The following LRRIQ3 variants were observed in gnomAD, a reference collection of about 807,000 sequenced individuals.
The protein encoded by LRRIQ3 is leucine-rich repeat and IQ domain-containing protein 3.
Under a neutral mutation model 59.3 loss-of-function variants are expected in LRRIQ3, and 75 were observed. The observed-to-expected ratio is 1.26, with a 90% CI of 1.05 to 1.53. LRRIQ3 has a LOEUF of 1.53. LRRIQ3 is among the 40% of genes most tolerant of loss of function. The pLI is 0.00. For synonymous variants in LRRIQ3, 250 were observed against 231.3 expected (o/e 1.08, Z -0.73); for missense variants, 831 against 710.0 (o/e 1.17, Z -1.94).
chr1:74,185,597 G>C (rs931849055), intron 1 of LRRIQ3, among the ~76,000 whole-genome samples: 13 of 151,914 alleles, frequency 8.6e-5, no homozygotes, highest in African/African-American at 2.4e-4. Flanking sequence ...TCTGTGGCTT[G>C]CCTTTTCATT....
In LRRIQ3 at chr1:74,183,080, G is replaced by A. The variant is rs1334613421; in HGVS notation, c.250-219C>T. 2.8e-5 allele frequency: 10 copies of A among 351,208 alleles called. No homozygotes were observed. In the South Asian group the frequency reaches 6.5e-4, roughly 23 times the overall value. 21.8% of individuals were successfully genotyped at this position (351,208 alleles called of 1,614,324 possible). A position where few individuals can be genotyped will look rare whatever the true frequency, so the allele number is the denominator to read the frequency against. On this transcript the variant is annotated intron_variant, in intron 2 of 7. Transcript: ENST00000354431. ...TTTATTATTATTCGCATAGTAAAATGCATAACCATACTTTTTTGTTCAAAG... is the reference window on the plus strand; with the variant it reads ...TTTATTATTATTCGCATAGTAAAATACATAACCATACTTTTTTGTTCAAAG...
At chr1:74,048,821 T>C (rs1368252926) in intron 6 of LRRIQ3, among the ~76,000 whole-genome samples, 1 of 152,184 alleles carries the variant, frequency 6.6e-6, no homozygotes, top group Admixed American at 6.6e-5. Context: ...AATTGAATGT[T>C]TGTTGTGTAT....
intron 6 of LRRIQ3, among the ~76,000 whole-genome samples, chr1:74,067,329 C>T (rs904581589): frequency 1.3e-5 from 2 of 152,082 alleles, no homozygotes; most frequent in African/African-American, 2.4e-5. Flanking sequence ...TGAACTTCTC[C>T]TACCTTAAGG....
chr1:74,039,789 C>T (rs1653986768), intron 7 of LRRIQ3, among the ~76,000 whole-genome samples: 1 of 152,102 alleles, frequency 6.6e-6, no homozygotes, highest in Admixed American at 6.5e-5. Flanking sequence ...GAAGGAAGCA[C>T]TAAACATGGA....
chr1:74,116,255 T>G (rs1646775310), intron 4 of LRRIQ3, among the ~76,000 whole-genome samples: 1 of 152,098 alleles, frequency 6.6e-6, no homozygotes, highest in Admixed American at 6.6e-5. Context: ...CTCTTGCCCT[T>G]GCCCACTGAA....
At position 74,026,910 on chromosome 1, in the gene LRRIQ3, A is replaced by G. The variant is rs1449247009; in HGVS notation, c.1778T>C (p.Phe593Ser). The change falls in exon 8 of 8, where the codon TTT becomes TCT. Residue 593 changes from phenylalanine (F) to serine (S), a missense_variant. Coordinates refer to ENST00000354431, the MANE Select transcript of LRRIQ3 (RefSeq NM_001105659.2). ...TTGAAGTCTTTCACAGGCTTTTTCA[A>G]AGGCAATCATATCCATAACAAATTT... ...EEKFVMDMIA[F>S]EKACERLQDA... 20 of 1,602,092 alleles carry G rather than the reference A, an allele frequency of 1.2e-5. No individual in the cohort carries two copies. Among genetic ancestry groups the G allele is most frequent in the Non-Finnish European group, 1.7e-5 (20 of 1,172,280 alleles).
At chr1:74,162,203 C>T (rs1312638540) in intron 3 of LRRIQ3, among the ~76,000 whole-genome samples, 1 of 151,758 alleles carries the variant, frequency 6.6e-6, no homozygotes, top group Admixed American at 6.6e-5. Flanking sequence ...TTATAAGGGA[C>T]TTCTACATAC....
intron 3 of LRRIQ3, among the ~76,000 whole-genome samples, chr1:74,171,995 G>A (rs1190777051): frequency 1.3e-5 from 2 of 151,874 alleles, no homozygotes; most frequent in African/African-American, 4.8e-5. Context: ...CTGAGTTTAA[G>A]TCTTCTTTTT....
chr1:74,109,395 T>C lies in LRRIQ3; in HGVS notation c.866A>G (p.His289Arg). 1 of 1,505,228 alleles carries C rather than the reference T, an allele frequency of 6.6e-7. No homozygotes were observed. The highest frequency in any genetic ancestry group is 1.9e-4 in the Middle Eastern group (1 of 5,218). The allele number at this position is 1,505,228 out of a possible 1,614,324, so 93.2% of individuals were successfully genotyped here. ...NIKGKLAYWK[H>R]NIYYPVDLKN... ...AAATAATAAACTAATTATACTTACA[T>C]GTTTCCAATATGCAAGCTTTCCTTT... The change falls in exon 5 of 8, where the codon CAT (histidine) becomes CGT (arginine). Residue 289 changes from histidine to arginine, a missense_variant and splice_region_variant. His to Arg is a conservative substitution (Grantham distance 29). Transcript: ENST00000354431.
intron 3 of LRRIQ3, among the ~76,000 whole-genome samples, chr1:74,166,382 A>G (rs1648993327): frequency 6.6e-6 from 1 of 151,528 alleles, no homozygotes; most frequent in Admixed American, 6.6e-5. Context: ...TAACATTTGC[A>G]AGGCCTGTGA....
chr1:74,095,426 T>C (rs35720802), intron 5 of LRRIQ3, among the ~76,000 whole-genome samples: 46,574 of 152,048 alleles, frequency 0.31, 7,937 homozygotes, highest in Middle Eastern at 0.45. Flanking sequence ...AAATTTTTAC[T>C]CGTGTCTCTA....
intron 4 of LRRIQ3, among the ~76,000 whole-genome samples, chr1:74,120,398 G>A (rs1646837766): frequency 6.6e-6 from 1 of 152,000 alleles, no homozygotes; most frequent in Non-Finnish European, 1.5e-5. Context: ...TTACAGGTGT[G>A]AGCCACAGTG....
At chr1:74,047,725 T>C (rs1242746097) in intron 6 of LRRIQ3, among the ~76,000 whole-genome samples, 1 of 152,076 alleles carries the variant, frequency 6.6e-6, no homozygotes, top group African/African-American at 2.4e-5. Flanking sequence ...TGGTGTCTTG[T>C]TCTTGGACTT....
At chr1:74,059,332 G>T (rs1654632167) in intron 6 of LRRIQ3, among the ~76,000 whole-genome samples, 1 of 145,900 alleles carries the variant, frequency 6.9e-6, no homozygotes. Flanking sequence ...GGTTACAAAG[G>T]TTTACTCCCA....
At chr1:74,165,994 C>T (rs1293089899) in intron 3 of LRRIQ3, among the ~76,000 whole-genome samples, 1 of 151,572 alleles carries the variant, frequency 6.6e-6, no homozygotes, top group African/African-American at 2.4e-5. Flanking sequence ...TATGCTTATG[C>T]TCTTAAGGAA....
At chr1:74,138,495 A>C in intron 4 of LRRIQ3, 3 of 984,774 alleles carry the variant, frequency 3.0e-6, no homozygotes, top group Non-Finnish European at 3.6e-6. Flanking sequence ...TAGGCATGTC[A>C]AGTTGAATGT....
Position 74,026,761 on chromosome 1 carries a change from A to C in LRRIQ3, c.*52T>G. 1 of 1,448,938 alleles carries C rather than the reference A, an allele frequency of 6.9e-7. No individual in the cohort carries two copies. Among genetic ancestry groups the C allele is most frequent in the East Asian group, 2.3e-5 (1 of 42,968 alleles). 89.8% of individuals were successfully genotyped at this position (1,448,938 alleles called of 1,614,324 possible). ...AGTATTATTTCAAATTCCTTCAACT[A>C]AAAATAATGACTATAATTTAAGATG... On this transcript the variant is annotated 3_prime_UTR_variant, in exon 8 of 8. Transcript: ENST00000354431.
At chr1:74,149,439 A>C (rs919972520) in intron 4 of LRRIQ3, among the ~76,000 whole-genome samples, 23 of 152,156 alleles carry the variant, frequency 1.5e-4, no homozygotes, top group Admixed American at 1.5e-3. Flanking sequence ...ATATCACATA[A>C]AAAATTGTAA....
chr1:74,087,446 A>T (rs1646340461), intron 5 of LRRIQ3, among the ~76,000 whole-genome samples: 1 of 113,144 alleles, frequency 8.8e-6, no homozygotes, highest in Non-Finnish European at 1.7e-5. Context: ...TCCACCACAG[A>T]GTTGGTGTTT....
Sources: gnomAD v4.1 joint callset for allele counts (sites outside exome capture counted in the v4.1 genomes callset) on GRCh38, gnomAD v4.1.1 for gene constraint, MANE v1.5 for transcripts, NCBI Gene and HGNC (gene_info 2026-07-23, HGNC 2026-07-21) for gene names.